The following CEP170 variants were observed in gnomAD, a reference collection of about 807,000 sequenced individuals.
The protein encoded by CEP170 is centrosomal protein of 170 kDa.
In CEP170, 21 loss-of-function variants were observed where a neutral mutation model predicts 151.9. That is an observed-to-expected ratio of 0.14 (90% CI 0.10 to 0.20). The LOEUF (loss-of-function observed/expected upper bound fraction) is 0.20. Ranked by LOEUF, CEP170 falls within the 10% of genes least tolerant of loss-of-function variation. The pLI is 1.00. For synonymous variants in CEP170, 356 were observed against 648.8 expected, an observed-to-expected ratio of 0.55 and a Z score of 6.86; for missense variants, 964 against 1,892.9, an observed-to-expected ratio of 0.51 and a Z score of 9.11.
chr1:243,234,163 C>A (rs1249885620), intron 1 of CEP170, among the ~76,000 whole-genome samples: 1 of 152,076 alleles, frequency 6.6e-6, no homozygotes, highest in African/African-American at 2.4e-5. Context: ...AAATAGCTGG[C>A]CTCACATTAG....
intron 10 of CEP170, among the ~76,000 whole-genome samples, chr1:243,179,698 AAGC>A (rs1328469867): frequency 1.3e-5 from 2 of 152,236 alleles, no homozygotes; most frequent in African/African-American, 4.8e-5. Flanking sequence ...ACAAATGAAA[AAGC>A]AGGTCACAAA....
chr1:243,140,252 C>T, intron 15 of CEP170, 145 bp from the exon 16 acceptor site: 1 of 1,225,076 alleles, frequency 8.2e-7, no homozygotes, highest in Non-Finnish European at 1.1e-6. Context: ...ACCAATTACT[C>T]TTTCTTTTTA....
At chr1:243,179,982 TAG>T (rs2059516714) in intron 10 of CEP170, among the ~76,000 whole-genome samples, 2 of 152,202 alleles carry the variant, frequency 1.3e-5, no homozygotes, top group Admixed American at 6.5e-5. Flanking sequence ...GAGATGGGTA[TAG>T]AGTTTCCATT....
chr1:243,147,628 T>C lies in CEP170; in HGVS notation c.3912-5165A>G, dbSNP rs570013462. ...TATAAACAAGCAATACTGACTTCCA[T>C]ATATGGATCCTTGAAATGTTTCATT... On this transcript the variant is annotated intron_variant, in intron 14 of 19. Coordinates refer to ENST00000366542, the MANE Select transcript of CEP170 (RefSeq NM_014812.3). Among the ~76,000 whole-genome samples, 7 of 152,290 alleles carry C rather than the reference T, an allele frequency of 4.6e-5. No individual in the cohort carries two copies. In the South Asian group the frequency reaches 1.4e-3, roughly 32 times the overall value.
At chr1:243,142,725 C>T (rs2055994212) in intron 14 of CEP170, among the ~76,000 whole-genome samples, 1 of 152,178 alleles carries the variant, frequency 6.6e-6, no homozygotes. Context: ...GCCCTTAACA[C>T]ACACTGTGTT....
chr1:243,207,026 A>G (rs745569604), intron 4 of CEP170, among the ~76,000 whole-genome samples: 35 of 152,206 alleles, frequency 2.3e-4, no homozygotes, highest in Non-Finnish European at 4.7e-4. Context: ...ACATAAAACT[A>G]ATGGGTCAAA....
intron 7 of CEP170, among the ~76,000 whole-genome samples, chr1:243,194,255 G>A (rs1293065394): frequency 6.6e-6 from 1 of 151,708 alleles, no homozygotes; most frequent in Non-Finnish European, 1.5e-5. Flanking sequence ...CAGTATATAG[G>A]GCAAACAGTC....
At chr1:243,182,043 G>T (rs1368066181) in intron 10 of CEP170, among the ~76,000 whole-genome samples, 1 of 152,100 alleles carries the variant, frequency 6.6e-6, no homozygotes, top group Non-Finnish European at 1.5e-5. Flanking sequence ...AGGCCTAATG[G>T]GAGGTGTTTG....
At chr1:243,235,078 A>T (rs2064133523) in intron 1 of CEP170, among the ~76,000 whole-genome samples, 4 of 152,212 alleles carry the variant, frequency 2.6e-5, no homozygotes. Context: ...CTTCATTCAC[A>T]AGTAGTAAGC....
intron 13 of CEP170, among the ~76,000 whole-genome samples, chr1:243,159,763 T>TGTGTGTG (rs2057892319): frequency 9.4e-5 from 12 of 127,164 alleles, no homozygotes; most frequent in African/African-American, 3.6e-4. Context: ...GTTTCCGGTT[T>TGTGTGTG]TGTGTGTGTG....
intron 1 of CEP170, among the ~76,000 whole-genome samples, chr1:243,242,991 C>T (rs754896955): frequency 2.6e-5 from 4 of 152,252 alleles, no homozygotes; most frequent in African/African-American, 9.6e-5. Context: ...TAAGCCACTG[C>T]GCCCGGTCCT....
intron 1 of CEP170, among the ~76,000 whole-genome samples, chr1:243,227,565 T>C (rs181195541): frequency 3.3e-5 from 5 of 152,338 alleles, no homozygotes; most frequent in African/African-American, 1.2e-4. Flanking sequence ...TAATAACTTT[T>C]ACCATTTCAT....
intron 16 of CEP170, among the ~76,000 whole-genome samples, chr1:243,137,636 G>A (rs1389496705): frequency 2.0e-5 from 3 of 152,042 alleles, no homozygotes; most frequent in Non-Finnish European, 4.4e-5. Flanking sequence ...TTAGCGGGGC[G>A]TGCTGGTGCG....
At chr1:243,170,951 TAAG>T (rs1393881810) in intron 11 of CEP170, among the ~76,000 whole-genome samples, 4 of 152,254 alleles carry the variant, frequency 2.6e-5, no homozygotes, top group Non-Finnish European at 5.9e-5. Context: ...TGGACCATGC[TAAG>T]AATACCAACA....
At position 243,165,715 on chromosome 1, in the gene CEP170, G is replaced by C. The variant is rs769933730; in HGVS notation, c.2245C>G (p.Gln749Glu). Residue 749 changes from glutamine to glutamate, a missense_variant, in exon 13 of 20, where the codon CAA (glutamine) becomes GAA (glutamate). By Grantham distance (29) the Gln-to-Glu change is conservative (BLOSUM62 2). Coordinates refer to ENST00000366542, the MANE Select transcript of CEP170 (RefSeq NM_014812.3). ...SLVKQTLAKLQQQEQREEAQW... is the reference protein window; with the variant it reads ...SLVKQTLAKLEQQEQREEAQW... ...GCCTCCTCCCTTTGTTCTTGTTGTTGAAGTTTTGCTAATGTTTGCTTTACC... is the reference window on the plus strand; with the variant it reads ...GCCTCCTCCCTTTGTTCTTGTTGTTCAAGTTTTGCTAATGTTTGCTTTACC... 4.3e-6 allele frequency: 7 copies of C among 1,613,962 alleles called. No individual in the cohort carries two copies. The highest frequency in any genetic ancestry group is 1.3e-5 in the African/African-American group (1 of 74,952).
In CEP170 at chr1:243,144,143, C is replaced by T. The variant is rs529618986; in HGVS notation, c.3912-1680G>A. On this transcript the variant is annotated intron_variant, in intron 14 of 19. Coordinates refer to ENST00000366542, the MANE Select transcript of CEP170 (RefSeq NM_014812.3). ...AAGACTACAGCAATGAAGAAGCAGA[C>T]AGGGTCCTTGTCCCCATGAAGCTTA... Among the ~76,000 whole-genome samples, 149 of 152,330 alleles carry T rather than the reference C, an allele frequency of 9.8e-4. 1 individual carries two copies. The highest frequency in any genetic ancestry group is 1.6e-3 in the Non-Finnish European group (108 of 68,036).
chr1:243,190,902 C>T (rs2060270634), intron 8 of CEP170, 116 bp downstream of exon 8: 1 of 1,422,218 alleles, frequency 7.0e-7, no homozygotes, highest in East Asian at 2.5e-5. Context: ...TAAATATAAC[C>T]TTTGAAAAAA....
intron 17 of CEP170, among the ~76,000 whole-genome samples, chr1:243,135,513 A>C (rs1408012141): frequency 1.3e-5 from 2 of 152,130 alleles, no homozygotes; most frequent in African/African-American, 2.4e-5. Context: ...GCCACCTTTA[A>C]GAAATTTTTA....
intron 11 of CEP170, 30 bp from the exon 12 acceptor site, chr1:243,169,784 A>G (rs1190653297): frequency 6.3e-7 from 1 of 1,590,680 alleles, no homozygotes; most frequent in African/African-American, 1.4e-5. Flanking sequence ...AAACAAAATC[A>G]TGCAGCCTGG....
Sources: allele counts gnomAD v4.1 joint callset (sites outside exome capture counted in the v4.1 genomes callset), GRCh38; gene constraint gnomAD v4.1.1; transcripts MANE v1.5; gene names NCBI Gene and HGNC (gene_info 2026-07-23, HGNC 2026-07-21).